RPS6KA2: variants seen among roughly 807,000 people sequenced by gnomAD.
The protein encoded by RPS6KA2 is ribosomal protein S6 kinase alpha-2.
In RPS6KA2, 42 loss-of-function variants were observed where a neutral mutation model predicts 91.8. The observed-to-expected ratio is 0.46, with a 90% CI of 0.36 to 0.59. The LOEUF (loss-of-function observed/expected upper bound fraction) is 0.59. Among genes scored for constraint, RPS6KA2 ranks in the 20% least tolerant of loss-of-function variants. The probability of loss-of-function intolerance (pLI) is 0.00; values close to 1 mark genes in which losing one functional copy is unlikely to be tolerated. For missense variants in RPS6KA2, 798 were observed against 978.5 expected (o/e 0.82, Z 2.46); for synonymous variants, 414 against 393.6 (o/e 1.05, Z -0.61).
In RPS6KA2 at chr6:166,771,852, G is replaced by GGGCT. The variant is rs1477122862; in HGVS notation, c.123+86344_123+86347dup. Among the ~76,000 whole-genome samples, 10 of 152,148 alleles carry GGGCT rather than the reference G, an allele frequency of 6.6e-5. No individual in the cohort carries two copies. The South Asian group carries it at 1.0e-3, about 16-fold the overall frequency. ...GTTGTCACGAGTGAGCACAGCTTTGGGGCTGGCTTCTCCCGAGTGTGCCAT... is the reference window on the plus strand; with the variant it reads ...GTTGTCACGAGTGAGCACAGCTTTGGGGCTGGCTGGCTTCTCCCGAGTGTGCCAT... On this transcript the variant is annotated intron_variant, in intron 2 of 21. Transcript: ENST00000503859.
At chr6:166,630,300 G>A (rs1443007172), upstream of RPS6KA2, among the ~76,000 whole-genome samples, 1 of 152,210 alleles carries the variant, frequency 6.6e-6, no homozygotes, top group Non-Finnish European at 1.5e-5. Flanking sequence ...TGACATCCAA[G>A]AGCTTCTAAT....
intron 1 of RPS6KA2, among the ~76,000 whole-genome samples, chr6:166,539,327 G>A (rs1442359861): frequency 6.6e-6 from 1 of 152,198 alleles, no homozygotes; most frequent in African/African-American, 2.4e-5. Flanking sequence ...TCTTACCAAG[G>A]CCTCCGAAAA....
At chr6:166,797,813 C>A (rs1445867244) in intron 2 of RPS6KA2, among the ~76,000 whole-genome samples, 1 of 151,842 alleles carries the variant, frequency 6.6e-6, no homozygotes, top group East Asian at 1.9e-4. Context: ...GTGGAGAAGC[C>A]CTTGAAGGAA....
intron 5 of RPS6KA2, among the ~76,000 whole-genome samples, chr6:166,505,642 C>T (rs986740742): frequency 6.6e-6 from 1 of 152,190 alleles, no homozygotes; most frequent in African/African-American, 2.4e-5. Context: ...CGGTGAGTGG[C>T]GTCAGGCCGA....
chr6:166,477,283 C>T lies in RPS6KA2; in HGVS notation c.908-7378G>A, dbSNP rs566674147. On this transcript the variant is annotated intron_variant, in intron 10 of 20. Transcript: ENST00000265678. ...ACTCACTTAGACACGGTTTGAAGGG[C>T]GATCTTGGCCCGAGGTGAGCCATTC... Among the ~76,000 whole-genome samples the T allele has an allele frequency of 1.6e-4, 24 of 152,226 alleles. No individual in the cohort carries two copies. The South Asian group carries it at 4.4e-3, about 28-fold the overall frequency.
At chr6:166,497,698 A>C (rs6940371) in intron 8 of RPS6KA2, among the ~76,000 whole-genome samples, 1 of 152,074 alleles carries the variant, frequency 6.6e-6, no homozygotes, top group Non-Finnish European at 1.5e-5. Context: ...GACGAGGAGT[A>C]GGGTGTGGTG....
intron 12 of RPS6KA2, among the ~76,000 whole-genome samples, chr6:166,457,630 G>T (rs1162651312): frequency 6.6e-6 from 1 of 152,168 alleles, no homozygotes; most frequent in Non-Finnish European, 1.5e-5. Flanking sequence ...GGTTTACAGT[G>T]CCCGGAATCA....
In RPS6KA2 at chr6:166,488,853, C is replaced by A; in HGVS notation, c.887G>T (p.Arg296Leu). The change falls in exon 10 of 21, where the codon CGG (arginine) becomes CTG (leucine). Residue 296 changes from arginine to leucine, a missense_variant. Coordinates refer to ENST00000265678, the MANE Select transcript of RPS6KA2 (RefSeq NM_021135.6). ...CTTACCCAGCCGGTTGCAGGGGTTC[C>A]GTTTGAAGAGAGCTCGCAGCAAACT... ...AQSLLRALFK[R>L]NPCNRLGAGI... 6.2e-7 allele frequency: 1 copy of A among 1,613,304 alleles called. No individual in the cohort carries two copies. The highest frequency in any genetic ancestry group is 8.5e-7 in the Non-Finnish European group (1 of 1,179,744).
At chr6:166,752,700 A>G (rs563597054) in intron 2 of RPS6KA2, among the ~76,000 whole-genome samples, 3 of 152,204 alleles carry the variant, frequency 2.0e-5, no homozygotes, top group Non-Finnish European at 4.4e-5. Context: ...CTCCCAAGGA[A>G]AAGCACGGAT....
Position 166,419,783 on chromosome 6 carries a change from G to A in RPS6KA2, c.1820+99C>T, listed in dbSNP as rs369737417. 2.3e-5 allele frequency: 25 copies of A among 1,073,458 alleles called. No individual in the cohort carries two copies. The Middle Eastern group carries it at 1.0e-3, about 43-fold the overall frequency. The allele number at this position is 1,073,458 out of a possible 1,614,324, so 66.5% of individuals were successfully genotyped here. A position where few individuals can be genotyped will look rare whatever the true frequency, so the allele number is the denominator to read the frequency against. ...ATACACGTTGGGTTTGCCCACATGC[G>A]CACACTAGGACAGGGCTGGCCCTGG... On this transcript the variant is annotated intron_variant, in intron 18 of 20. Coordinates refer to ENST00000265678, the MANE Select transcript of RPS6KA2 (RefSeq NM_021135.6). This position sits in a 1 kb window ranked among gnomAD's most constrained non-coding sequence, Gnocchi z 5.6.
At chr6:166,432,306 G>T in intron 15 of RPS6KA2, 95 bp downstream of exon 15, 2 of 784,366 alleles carry the variant, frequency 2.5e-6, no homozygotes, top group South Asian at 1.6e-5. Context: ...AGACAGGCAT[G>T]AGATGTGAGA....
At chr6:166,809,341 A>G (rs1779573697) in intron 2 of RPS6KA2, among the ~76,000 whole-genome samples, 1 of 152,220 alleles carries the variant, frequency 6.6e-6, no homozygotes, top group Non-Finnish European at 1.5e-5. Context: ...AAAATAATGG[A>G]TTTGACAATA....
At chr6:166,415,590 G>A (rs573979265) in intron 19 of RPS6KA2, among the ~76,000 whole-genome samples, 11 of 152,210 alleles carry the variant, frequency 7.2e-5, no homozygotes, top group Non-Finnish European at 1.3e-4. Flanking sequence ...ATGTGCCCTT[G>A]TCCTTGACTT....
intron 1 of RPS6KA2, among the ~76,000 whole-genome samples, chr6:166,559,792 T>C (rs1784286443): frequency 6.6e-6 from 1 of 152,194 alleles, no homozygotes; most frequent in African/African-American, 2.4e-5. Context: ...TACAGAAAAG[T>C]CTAGGCAACC....
In RPS6KA2 at chr6:166,842,944, C is replaced by T. The variant is rs190421437; in HGVS notation, c.123+15256G>A. Among the ~76,000 whole-genome samples, 47 of 152,204 alleles carry T rather than the reference C, an allele frequency of 3.1e-4. 1 individual carries two copies. The East Asian group carries it at 5.6e-3, about 18-fold the overall frequency. ...TATCGCTGCTGCAGGCTCCATGAGA[C>T]GCTGAAAAACCGTGAGTCTGCCTGC... On this transcript the variant is annotated intron_variant, in intron 2 of 21. Coordinates refer to the RPS6KA2 transcript ENST00000503859.
intron 2 of RPS6KA2, among the ~76,000 whole-genome samples, chr6:166,750,037 G>T (rs979881584): frequency 6.6e-6 from 1 of 152,082 alleles, no homozygotes; most frequent in African/African-American, 2.4e-5. Context: ...TGAGTCAGCG[G>T]GGAGGGGCAG....
At position 166,411,999 on chromosome 6, in the gene RPS6KA2, C is replaced by A. The variant is rs1039501462; in HGVS notation, c.*763G>T. On this transcript the variant is annotated 3_prime_UTR_variant, in exon 21 of 21. Coordinates refer to ENST00000265678, the MANE Select transcript of RPS6KA2 (RefSeq NM_021135.6). This position sits in a 1 kb window ranked among gnomAD's most constrained non-coding sequence, Gnocchi z 4.5. ...CAGACGGCAGCCCAGTGCGCTTGGC[C>A]CCCCGGGGAAAGCCGAGACTGGAGG... 2 of 152,398 alleles carry A rather than the reference C, an allele frequency of 1.3e-5. No individual in the cohort carries two copies. Among genetic ancestry groups the A allele is most frequent in the East Asian group, 1.9e-4 (1 of 5,170 alleles). 9.4% of individuals were successfully genotyped at this position (152,398 alleles called of 1,614,324 possible). A position where few individuals can be genotyped will look rare whatever the true frequency, so the allele number is the denominator to read the frequency against.
chr6:166,482,990 A>T lies in RPS6KA2; in HGVS notation c.907+5843T>A, dbSNP rs77345024. ...TGGCCGTGCAGCCTTGACCTTCAAC[A>T]GGGAGTCCCAACACTTTTCCAATTG... On this transcript the variant is annotated intron_variant, in intron 10 of 20. Coordinates refer to ENST00000265678, the MANE Select transcript of RPS6KA2 (RefSeq NM_021135.6). Among the ~76,000 whole-genome samples the T allele has an allele frequency of 4.0e-3, 608 of 152,332 alleles. 12 individuals carry two copies. Among genetic ancestry groups the T allele is most frequent in the East Asian group, 0.033 (173 of 5,166 alleles).
chr6:166,502,675 T>C (rs1782066897), intron 6 of RPS6KA2, among the ~76,000 whole-genome samples: 1 of 152,196 alleles, frequency 6.6e-6, no homozygotes, highest in South Asian at 2.1e-4. Flanking sequence ...TGGGATGACC[T>C]TGGCAACGAC....
Sources: allele counts gnomAD v4.1 joint callset (sites outside exome capture counted in the v4.1 genomes callset), GRCh38; gene constraint gnomAD v4.1.1; non-coding constraint Gnocchi (gnomAD v3.1); transcripts MANE v1.5; gene names NCBI Gene and HGNC (gene_info 2026-07-23, HGNC 2026-07-21).